YWHAQ: variants seen among roughly 807,000 people sequenced by gnomAD.
The protein encoded by YWHAQ is 14-3-3 protein theta.
In YWHAQ, 6 loss-of-function variants were observed where a neutral mutation model predicts 28.3. The ratio of observed to expected loss-of-function variants is 0.21; its 90% confidence interval spans 0.12 to 0.42. The LOEUF (loss-of-function observed/expected upper bound fraction) is 0.42, where lower values mean the gene tolerates loss of function less well. Ranked by LOEUF, YWHAQ falls within the 10% of genes least tolerant of loss-of-function variation. YWHAQ has a pLI of 1.00. For synonymous variants in YWHAQ, 143 were observed against 119.1 expected, an observed-to-expected ratio of 1.20 and a Z score of -1.31; for missense variants, 201 against 305.6, an observed-to-expected ratio of 0.66 and a Z score of 2.55.
intron 5 of YWHAQ, among the ~76,000 whole-genome samples, chr2:9,585,664 T>G (rs938027625): frequency 6.6e-6 from 1 of 152,048 alleles, no homozygotes; most frequent in African/African-American, 2.4e-5. Flanking sequence ...TCTCAGCACG[T>G]AGGGAGGCCA....
intron 2 of YWHAQ, among the ~76,000 whole-genome samples, chr2:9,627,818 G>A (rs577333311): frequency 4.9e-4 from 75 of 152,178 alleles, no homozygotes; most frequent in South Asian, 8.3e-4. Context: ...CAGCCACACC[G>A]ACACACTGTT....
At chr2:9,625,446 T>C (rs1667231660) in intron 2 of YWHAQ, among the ~76,000 whole-genome samples, 1 of 152,212 alleles carries the variant, frequency 6.6e-6, no homozygotes, top group Non-Finnish European at 1.5e-5. Context: ...TTAGAAGCAT[T>C]AATGTCTTAT....
rs763024118 is a variant in YWHAQ at position 9,630,491 on chromosome 2, G to C, written c.-39C>G. On this transcript the variant is annotated 5_prime_UTR_variant, in exon 2 of 6. Transcript: ENST00000238081. This position sits in a 1 kb window ranked among gnomAD's most constrained non-coding sequence, Gnocchi z 5.6. ...CCGGGGCCGGGGCGGAGGGCGAGGA[G>C]AGCGAGGGCGAGCGCCGACCCGCAG... 11 of 1,470,962 alleles carry C rather than the reference G, an allele frequency of 7.5e-6. No individual in the cohort carries two copies. In the African/African-American group the frequency reaches 1.1e-4, roughly 15 times the overall value. The allele number at this position is 1,470,962 out of a possible 1,614,324, so 91.1% of individuals were successfully genotyped here.
chr2:9,615,104 T>C (rs936726424), intron 2 of YWHAQ, among the ~76,000 whole-genome samples: 11 of 152,166 alleles, frequency 7.2e-5, no homozygotes, highest in African/African-American at 2.7e-4. Flanking sequence ...CTGATCTGAA[T>C]TGGGCATAAT....
At position 9,605,727 on chromosome 2, in the gene YWHAQ, ATT is replaced by A. The variant is rs540959701; in HGVS notation, c.295-14214_295-14213del. On this transcript the variant is annotated intron_variant, in intron 2 of 5. Transcript: ENST00000238081. ...AGGTGTGCACCACCATGACCGGCTA[ATT>A]TTTTTTTTTTTTTGGTAGAGGGGGG... 5.7e-4 allele frequency among the ~76,000 whole-genome samples: 82 copies of A among 142,836 alleles called. No homozygotes were observed. The Middle Eastern group carries it at 0.014, about 25-fold the overall frequency. The allele number at this position is 142,836 out of a possible 152,430, so 93.7% of individuals were successfully genotyped here.
At chr2:9,627,652 T>G (rs1667273205) in intron 2 of YWHAQ, among the ~76,000 whole-genome samples, 1 of 152,030 alleles carries the variant, frequency 6.6e-6, no homozygotes, top group African/African-American at 2.4e-5. Context: ...TGTAACAAGA[T>G]CCCATCTCTA....
At chr2:9,618,713 T>A (rs530820289) in intron 2 of YWHAQ, among the ~76,000 whole-genome samples, 185 of 150,734 alleles carry the variant, frequency 1.2e-3, no homozygotes, top group African/African-American at 4.1e-3. Flanking sequence ...GGTCTCACAC[T>A]TTGTTGCCAG....
intron 2 of YWHAQ, among the ~76,000 whole-genome samples, chr2:9,596,512 A>C (rs747770312): frequency 6.6e-6 from 1 of 152,194 alleles, no homozygotes; most frequent in Non-Finnish European, 1.5e-5. Flanking sequence ...AAGCAAAAAA[A>C]TGTTCTAAGA....
chr2:9,607,045 C>T (rs914965925), intron 2 of YWHAQ, among the ~76,000 whole-genome samples: 14 of 151,660 alleles, frequency 9.2e-5, no homozygotes, highest in Non-Finnish European at 1.8e-4. Flanking sequence ...ACACCATACC[C>T]GGCTAATTTT....
At chr2:9,608,274 G>A (rs1173148361) in intron 2 of YWHAQ, among the ~76,000 whole-genome samples, 1 of 152,078 alleles carries the variant, frequency 6.6e-6, no homozygotes, top group Non-Finnish European at 1.5e-5. Flanking sequence ...AGAAAAGAGG[G>A]GAAATACATC....
chr2:9,593,905 A>AAAAAAAATAT (rs1205661739), intron 2 of YWHAQ, among the ~76,000 whole-genome samples: 2 of 127,632 alleles, frequency 1.6e-5, no homozygotes, highest in African/African-American at 6.1e-5. Flanking sequence ...GATTAAAAAA[A>AAAAAAAATAT]ATATATATAT....
chr2:9,629,641 T>G (rs72777047), intron 2 of YWHAQ, among the ~76,000 whole-genome samples: 13,152 of 151,486 alleles, frequency 0.087, 795 homozygotes, highest in Non-Finnish European at 0.13. Context: ...CTCTCCTGTT[T>G]ATGGGGGGTG....
chr2:9,601,096 T>C (rs115988660), intron 2 of YWHAQ, among the ~76,000 whole-genome samples: 3,949 of 152,322 alleles, frequency 0.026, 170 homozygotes, highest in African/African-American at 0.091. Context: ...TTATTAATGC[T>C]ATTTATTTTC....
chr2:9,590,869 A>G (rs889386319), intron 3 of YWHAQ, among the ~76,000 whole-genome samples: 2 of 152,230 alleles, frequency 1.3e-5, no homozygotes, highest in Admixed American at 6.5e-5. Flanking sequence ...TACACCAGCA[A>G]TAACACACTC....
intron 3 of YWHAQ, among the ~76,000 whole-genome samples, chr2:9,588,722 C>T (rs557881360): frequency 1.7e-4 from 26 of 152,022 alleles, no homozygotes; most frequent in African/African-American, 6.3e-4. Context: ...AGTGAGCCGA[C>T]ATCACACCAC....
chr2:9,596,774 C>T (rs558567793), intron 2 of YWHAQ, among the ~76,000 whole-genome samples: 44 of 152,192 alleles, frequency 2.9e-4, no homozygotes, highest in African/African-American at 9.4e-4. Flanking sequence ...TCAATCTCAG[C>T]TCACCTGCAT....
intron 2 of YWHAQ, among the ~76,000 whole-genome samples, chr2:9,605,417 G>A (rs930121582): frequency 6.6e-6 from 1 of 152,176 alleles, no homozygotes; most frequent in African/African-American, 2.4e-5. Flanking sequence ...TTACAGGCAT[G>A]AGGCCACCAC....
chr2:9,603,724 G>A (rs556205741), intron 2 of YWHAQ, among the ~76,000 whole-genome samples: 7 of 152,050 alleles, frequency 4.6e-5, no homozygotes, highest in South Asian at 2.1e-4. Context: ...AGGAGTTCGA[G>A]AGCAGCCTGG....
intron 2 of YWHAQ, among the ~76,000 whole-genome samples, chr2:9,592,585 C>T (rs1021506946): frequency 1.3e-5 from 2 of 151,808 alleles, no homozygotes; most frequent in Non-Finnish European, 2.9e-5. Flanking sequence ...ATTAGCCAAG[C>T]GTGATGGTGG....
Sources: allele counts gnomAD v4.1 joint callset (sites outside exome capture counted in the v4.1 genomes callset), GRCh38; gene constraint gnomAD v4.1.1; non-coding constraint Gnocchi (gnomAD v3.1); transcripts MANE v1.5; gene names NCBI Gene and HGNC (gene_info 2026-07-23, HGNC 2026-07-21).